Variants in PAICS observed in about 807,000 individuals in gnomAD.
The protein encoded by PAICS is phosphoribosylaminoimidazole carboxylase and phosphoribosylaminoimidazolesuccinocarboxamide synthase.
A neutral mutation model predicts 53.7 loss-of-function variants in PAICS; 33 were observed. That is an observed-to-expected ratio of 0.61 (90% CI 0.47 to 0.82). The LOEUF (loss-of-function observed/expected upper bound fraction) is 0.82, where lower values mean the gene tolerates loss of function less well. Among genes scored for constraint, PAICS ranks in the 40% least tolerant of loss-of-function variants. The pLI is 0.00. For synonymous variants in PAICS, 141 were observed against 167.2 expected (o/e 0.84, Z 1.21); for missense variants, 394 against 494.1 (o/e 0.80, Z 1.92).
chr4:56,436,154 C>T, upstream of PAICS: 2 of 1,492,632 alleles, frequency 1.3e-6, no homozygotes, highest in South Asian at 1.3e-5. Context: ...CGCCCATACC[C>T]CTCCGGGTTA....
rs1254382663 is a variant in PAICS, at chr4:56,452,040, G to A, written c.940G>A (p.Ala314Thr). ...KGPDETLRIK[A>T]EYEGDGIPTV... ...ACCAGATGAAACTCTGAGGATTAAA[G>A]CTGAGTATGAAGGTAAACCACAAGT... Residue 314 changes from alanine (A) to threonine (T), a missense_variant, in exon 7 of 9, where the codon GCT becomes ACT. By Grantham distance (58) the Ala-to-Thr change is moderately conservative. Transcript: ENST00000512576. 7 of 1,602,978 alleles carry A rather than the reference G, an allele frequency of 4.4e-6. 1 individual carries two copies. The highest frequency in any genetic ancestry group is 3.4e-5 in the South Asian group (3 of 89,112).
chr4:56,417,146 G>C, the PAICS span, among the ~76,000 whole-genome samples: 2 of 152,152 alleles, frequency 1.3e-5, no homozygotes, highest in Non-Finnish European at 2.9e-5. Flanking sequence ...ACTGCACCCG[G>C]CCGCTTCTAA....
At chr4:56,455,014 T>G (rs1719117039) in intron 8 of PAICS, among the ~76,000 whole-genome samples, 1 of 152,158 alleles carries the variant, frequency 6.6e-6, no homozygotes, top group Admixed American at 6.6e-5. Flanking sequence ...AAAAATTACC[T>G]AGGCATGGTG....
rs1313296252 is a variant in PAICS, at chr4:56,461,648, G to A, written c.*2110G>A. The A allele has an allele frequency of 1.3e-5, 2 of 151,996 alleles. No individual in the cohort carries two copies. The highest frequency in any genetic ancestry group is 2.9e-5 in the Non-Finnish European group (2 of 68,022). 9.4% of individuals were successfully genotyped at this position (151,996 alleles called of 1,614,324 possible). On this transcript the variant is annotated 3_prime_UTR_variant, in exon 9 of 9. Coordinates refer to ENST00000512576, the MANE Select transcript of PAICS (RefSeq NM_001079524.2). The stretch of plus-strand genomic sequence containing the variant: ...AAGCTGCAGCCTCTCGAGTAGCTGG[G>A]TGCATGTGCTACCACACCCAATTAT...
chr4:56,440,090 G>T (rs1343792566), intron 1 of PAICS, among the ~76,000 whole-genome samples: 2 of 152,214 alleles, frequency 1.3e-5, no homozygotes, highest in African/African-American at 2.4e-5. Flanking sequence ...CTCTTCTTGG[G>T]TTAAAGTCTA....
Position 56,464,155 on chromosome 4 carries a change from C to G in PAICS, c.*4617C>G, listed in dbSNP as rs562810578. 1 of 152,358 alleles carries G rather than the reference C, an allele frequency of 6.6e-6. No homozygotes were observed. The highest frequency in any genetic ancestry group is 2.1e-4 in the South Asian group (1 of 4,828). The allele number at this position is 152,358 out of a possible 1,614,324, so 9.4% of individuals were successfully genotyped here. A position where few individuals can be genotyped will look rare whatever the true frequency, so the allele number is the denominator to read the frequency against. The stretch of plus-strand genomic sequence containing the variant: ...CTGCAGAAGGCAGACTGTGGGACTT[C>G]ACCTCCATTTTGCAGAGCCAATTTC... On this transcript the variant is annotated 3_prime_UTR_variant, in exon 9 of 9. Coordinates refer to ENST00000512576, the MANE Select transcript of PAICS (RefSeq NM_001079524.2).
At chr4:56,419,632 TG>T in the PAICS span, 1 of 977,360 alleles carries the variant, frequency 1.0e-6, no homozygotes, top group Non-Finnish European at 1.2e-6. Context: ...ACGTCAGTAT[TG>T]GAACCCTCTA....
At chr4:56,445,012 A>G (rs924713417) in intron 2 of PAICS, among the ~76,000 whole-genome samples, 1 of 152,226 alleles carries the variant, frequency 6.6e-6, no homozygotes, top group Admixed American at 6.5e-5. Context: ...CATTCATTAA[A>G]AGTTAAACAA....
the PAICS span, chr4:56,421,727 T>C: frequency 6.6e-6 from 1 of 152,162 alleles, no homozygotes; most frequent in African/African-American, 2.4e-5. Flanking sequence ...GCTAGAGAAC[T>C]ATACATCTCC....
chr4:56,420,821 A>T, the PAICS span: 1 of 152,236 alleles, frequency 6.6e-6, no homozygotes, highest in African/African-American at 2.4e-5. Flanking sequence ...TATTTAAACC[A>T]AAGGATTGAG....
chr4:56,453,704 C>A lies in PAICS; in HGVS notation c.1054C>A (p.Pro352Thr). ...NTAYPVISCP[P>T]LTPDWGVQDV... ...TGCATATCCAGTTATCAGCTGTCCTCCCCTCACACCAGACTGGGGAGTTCA... is the reference window on the plus strand; with the variant it reads ...TGCATATCCAGTTATCAGCTGTCCTACCCTCACACCAGACTGGGGAGTTCA... The change falls in exon 8 of 9, where the codon CCC becomes ACC. Residue 352 changes from proline to threonine, a missense_variant. Physicochemically the swap from Pro to Thr is conservative, Grantham distance 38. This residue lies in a region of PAICS where 95 missense variants were observed against 89.3 expected (regional missense o/e 1.06). Coordinates refer to ENST00000512576, the MANE Select transcript of PAICS (RefSeq NM_001079524.2). The A allele has an allele frequency of 6.4e-7, 1 of 1,556,040 alleles. No individual in the cohort carries two copies. Among genetic ancestry groups the A allele is most frequent in the East Asian group, 2.4e-5 (1 of 41,898 alleles).
At chr4:56,439,398 G>A (rs1403552356) in intron 1 of PAICS, among the ~76,000 whole-genome samples, 2 of 151,990 alleles carry the variant, frequency 1.3e-5, no homozygotes, top group Non-Finnish European at 1.5e-5. Context: ...CAACACATCC[G>A]GCTAATTTTT....
At chr4:56,439,460 C>T (rs1718225258) in intron 1 of PAICS, among the ~76,000 whole-genome samples, 1 of 152,130 alleles carries the variant, frequency 6.6e-6, no homozygotes, top group Non-Finnish European at 1.5e-5. Flanking sequence ...TGGTCTTGAA[C>T]TCCTAACCTC....
the PAICS span, among the ~76,000 whole-genome samples, chr4:56,415,568 T>C: frequency 4.6e-5 from 7 of 152,258 alleles, no homozygotes; most frequent in Non-Finnish European, 8.8e-5. Context: ...CATTTAAACA[T>C]AATTTAACTT....
chr4:56,419,614 G>GT, the PAICS span: 3 of 944,800 alleles, frequency 3.2e-6, no homozygotes, highest in Non-Finnish European at 3.8e-6. Context: ...CCTAATGCAG[G>GT]TATCTCTACG....
At chr4:56,420,431 A>C in the PAICS span, 1 of 152,232 alleles carries the variant, frequency 6.6e-6, no homozygotes, top group East Asian at 1.9e-4. Flanking sequence ...ACCTGTATTG[A>C]GAATGTTCAG....
chr4:56,447,594 T>C (rs966470183), intron 3 of PAICS, among the ~76,000 whole-genome samples: 1 of 152,180 alleles, frequency 6.6e-6, no homozygotes, highest in Non-Finnish European at 1.5e-5. Context: ...AAGATTTGAT[T>C]GATTAAAATG....
At chr4:56,433,098 C>T (rs1383327662), upstream of PAICS, among the ~76,000 whole-genome samples, 5 of 151,550 alleles carry the variant, frequency 3.3e-5, no homozygotes, top group Non-Finnish European at 1.5e-5. Context: ...ATTTCCAAGA[C>T]ATAAGGGAGT....
At chr4:56,432,317 C>T (rs1717626835), upstream of PAICS, among the ~76,000 whole-genome samples, 1 of 152,014 alleles carries the variant, frequency 6.6e-6, no homozygotes, top group South Asian at 2.1e-4. Context: ...CACTTGAGGC[C>T]AGGAGTTCAA....
Sources: allele counts gnomAD v4.1 joint callset (sites outside exome capture counted in the v4.1 genomes callset), GRCh38; gene constraint gnomAD v4.1.1; regional missense constraint gnomAD v4.1.1; transcripts MANE v1.5; gene names NCBI Gene and HGNC (gene_info 2026-07-23, HGNC 2026-07-21).